FARSB: variants seen among roughly 807,000 people sequenced by gnomAD.
The protein encoded by FARSB is phenylalanyl-tRNA synthetase subunit beta.
A neutral mutation model predicts 69.6 loss-of-function variants in FARSB; 40 were observed. The ratio of observed to expected loss-of-function variants is 0.57; its 90% CI spans 0.45 to 0.75. FARSB has a LOEUF of 0.75. Among genes scored for constraint, FARSB ranks in the 30% least tolerant of loss-of-function variants. FARSB has a pLI of 0.00. For synonymous variants in FARSB, 235 were observed against 247.2 expected (o/e 0.95, Z 0.46); for missense variants, 632 against 722.9 (o/e 0.87, Z 1.44).
At chr2:222,599,374 T>C (rs1293941084) in intron 16 of FARSB, among the ~76,000 whole-genome samples, 1 of 152,242 alleles carries the variant, frequency 6.6e-6, no homozygotes, top group Non-Finnish European at 1.5e-5. Context: ...TACCATTTAG[T>C]TAGCCTAGCT....
At chr2:222,590,961 G>C (rs992880354) in intron 16 of FARSB, among the ~76,000 whole-genome samples, 38 of 152,124 alleles carry the variant, frequency 2.5e-4, no homozygotes, top group African/African-American at 8.2e-4. Flanking sequence ...AACTAAATGT[G>C]AACACATCAA....
rs570368158 is a variant in FARSB, at chr2:222,638,291, GA to G, written c.455+1288del. On this transcript the variant is annotated intron_variant, in intron 5 of 16. Transcript: ENST00000281828. ...AGGATGTGTTCAATTCTTCCCCTTAGAAAAAGCTCATGATTTCCAGAAATAC... is the reference window on the plus strand; with the variant it reads ...AGGATGTGTTCAATTCTTCCCCTTAGAAAAGCTCATGATTTCCAGAAATAC... Among the ~76,000 whole-genome samples, 903 of 152,236 alleles carry G rather than the reference GA, an allele frequency of 5.9e-3. 7 individuals carry two copies. The highest frequency in any genetic ancestry group is 0.024 in the Middle Eastern group (7 of 294).
intron 13 of FARSB, 37 bp from the exon 14 acceptor site, chr2:222,619,774 G>T: frequency 8.8e-7 from 1 of 1,137,544 alleles, no homozygotes; most frequent in South Asian, 1.3e-5. Context: ...ATATGGAAAA[G>T]CAATTACTTA....
At chr2:222,598,988 T>C (rs547039062) in intron 16 of FARSB, among the ~76,000 whole-genome samples, 25 of 147,286 alleles carry the variant, frequency 1.7e-4, no homozygotes, top group African/African-American at 6.2e-4. Context: ...AAAAAACCCA[T>C]AGATTTCAGG....
Position 222,569,301 on chromosome 2 carries a change from G to C in FARSB, c.*2570C>G, listed in dbSNP as rs1382772647. Reference sequence around the variant, plus strand: ...AAAAATATCCAGGTGGGTAGCTGCTGACAGAACAAATGGTTCCACCTACTT... The same window carrying C: ...AAAAATATCCAGGTGGGTAGCTGCTCACAGAACAAATGGTTCCACCTACTT... On this transcript the variant is annotated 3_prime_UTR_variant, in exon 17 of 17. Coordinates refer to ENST00000281828, the MANE Select transcript of FARSB (RefSeq NM_005687.5). 2.0e-5 allele frequency: 3 copies of C among 152,156 alleles called. No individual in the cohort carries two copies. The highest frequency in any genetic ancestry group is 6.5e-5 in the Admixed American group (1 of 15,272). The allele number at this position is 152,156 out of a possible 1,614,324, so 9.4% of individuals were successfully genotyped here.
chr2:222,595,896 G>GA lies in FARSB; in HGVS notation c.1618+4031dup, dbSNP rs560862421. The stretch of plus-strand genomic sequence containing the variant: ...GCAACAAACCACAAAAAATGAAGGG[G>GA]AAGAAGCCTGAAAAAAAGAAAAAGC... On this transcript the variant is annotated intron_variant, in intron 16 of 16. Transcript: ENST00000281828. Among the ~76,000 whole-genome samples the GA allele has an allele frequency of 9.3e-5, 14 of 150,278 alleles. No individual in the cohort carries two copies. In the South Asian group the frequency reaches 3.0e-3, roughly 32 times the overall value.
chr2:222,601,041 A>C (rs1174565490), intron 15 of FARSB, among the ~76,000 whole-genome samples: 2 of 148,982 alleles, frequency 1.3e-5, no homozygotes, highest in African/African-American at 4.9e-5. Flanking sequence ...ATACTGCATG[A>C]TTCCATTTAT....
At position 222,617,861 on chromosome 2, in the gene FARSB, C is replaced by T. The variant is rs117653433; in HGVS notation, c.1344+1784G>A. ...TCAGGACACTGCACTTCAGCCTGGG[C>T]AAGAGAGCGAAGCTCTGTCTCAAAA... On this transcript the variant is annotated intron_variant, in intron 14 of 16. Coordinates refer to ENST00000281828, the MANE Select transcript of FARSB (RefSeq NM_005687.5). Among the ~76,000 whole-genome samples, 176 of 152,236 alleles carry T rather than the reference C, an allele frequency of 1.2e-3. 2 individuals are homozygous for T. The East Asian group carries it at 0.025, about 21-fold the overall frequency.
chr2:222,612,420 G>C (rs1490363400), intron 15 of FARSB, among the ~76,000 whole-genome samples: 1 of 152,208 alleles, frequency 6.6e-6, no homozygotes, highest in Non-Finnish European at 1.5e-5. Context: ...ATGGAATCCA[G>C]CCTTGGCTGG....
At chr2:222,635,173 A>G (rs1437195297) in intron 5 of FARSB, among the ~76,000 whole-genome samples, 5 of 152,222 alleles carry the variant, frequency 3.3e-5, no homozygotes, top group Admixed American at 3.3e-4. Flanking sequence ...AAAATAGGAG[A>G]GAAAGAAATA....
At chr2:222,635,771 A>G (rs916044284) in intron 5 of FARSB, among the ~76,000 whole-genome samples, 2 of 152,246 alleles carry the variant, frequency 1.3e-5, no homozygotes, top group African/African-American at 4.8e-5. Flanking sequence ...AAAAGACACC[A>G]TAAAAATTAT....
At position 222,599,932 on chromosome 2, in the gene FARSB, T is replaced by TG. The variant is rs1690516832; in HGVS notation, c.1613dup (p.Glu539ArgfsTer29). ...GATTCGGCTCATCTGTCTTACCTTC[T>TG]GATGCTTTGATCACATATCCCCCCT... On this transcript the variant is annotated frameshift_variant, in exon 16 of 17. Coordinates refer to ENST00000281828, the MANE Select transcript of FARSB (RefSeq NM_005687.5). LOFTEE classifies it high-confidence loss of function. The TG allele has an allele frequency of 6.3e-7, 1 of 1,595,028 alleles. No individual in the cohort carries two copies.
intron 16 of FARSB, among the ~76,000 whole-genome samples, chr2:222,586,719 A>G (rs138143268): frequency 2.8e-3 from 434 of 152,322 alleles, no homozygotes; most frequent in African/African-American, 1.0e-2. Context: ...CTAGTCTCTG[A>G]TAAAACAGAC....
intron 15 of FARSB, among the ~76,000 whole-genome samples, chr2:222,612,062 G>C (rs946177743): frequency 6.6e-6 from 1 of 152,066 alleles, no homozygotes; most frequent in African/African-American, 2.4e-5. Flanking sequence ...AAAACCCAAA[G>C]AAATAAGATG....
intron 16 of FARSB, among the ~76,000 whole-genome samples, chr2:222,593,880 A>G (rs776584426): frequency 1.3e-5 from 2 of 151,916 alleles, no homozygotes; most frequent in African/African-American, 2.4e-5. Context: ...AAAAGTACTC[A>G]AAAGAAAAAA....
chr2:222,652,327 G>T (rs571084411), intron 1 of FARSB, among the ~76,000 whole-genome samples: 2 of 152,132 alleles, frequency 1.3e-5, no homozygotes, highest in Non-Finnish European at 2.9e-5. Flanking sequence ...AGGTTAGAGG[G>T]GAAACGGTGG....
chr2:222,594,091 T>A (rs1690346894), intron 16 of FARSB, among the ~76,000 whole-genome samples: 2 of 6,228 alleles, frequency 3.2e-4, no homozygotes, highest in African/African-American at 4.2e-4. Context: ...AACCCGCCTC[T>A]ACAAAAAAAA....
At chr2:222,596,545 T>A (rs1216724352) in intron 16 of FARSB, among the ~76,000 whole-genome samples, 3 of 152,200 alleles carry the variant, frequency 2.0e-5, no homozygotes, top group Non-Finnish European at 4.4e-5. Context: ...AAGTAAGCCA[T>A]ATGCCAGAGT....
In FARSB at chr2:222,630,131, T is replaced by C. The variant is rs763822806; in HGVS notation, c.830A>G (p.Tyr277Cys). 9 of 1,562,832 alleles carry C rather than the reference T, an allele frequency of 5.8e-6. No individual in the cohort carries two copies. The highest frequency in any genetic ancestry group is 2.0e-5 in the Admixed American group (1 of 49,424). The change falls in exon 9 of 17, where the codon TAT becomes TGT. Residue 277 changes from tyrosine (Y) to cysteine (C), a missense_variant. Coordinates refer to ENST00000281828, the MANE Select transcript of FARSB (RefSeq NM_005687.5). ...AACTTACGTAAATTGATTCTCACAA[T>C]ATTCACTGAACATGGTGACAATAAT... ...LDIIVTMFSE[Y>C]CENQFTVEAA...
Sources: allele counts gnomAD v4.1 joint callset (sites outside exome capture counted in the v4.1 genomes callset), GRCh38; gene constraint gnomAD v4.1.1; transcripts MANE v1.5; gene names NCBI Gene and HGNC (gene_info 2026-07-23, HGNC 2026-07-21).